The following PDZD2 variants were observed in gnomAD, a reference collection of about 807,000 sequenced individuals.
PDZD2 encodes PDZ domain containing 2, also known as PDZ domain-containing protein 2.
In PDZD2, 90 loss-of-function variants were observed where a neutral mutation model predicts 220.7. The observed-to-expected ratio is 0.41, with a 90% confidence interval of 0.34 to 0.49. The LOEUF is 0.49. Among genes scored for constraint, PDZD2 ranks in the 20% least tolerant of loss-of-function variants. The pLI is 0.28. For synonymous variants in PDZD2, 1,375 were observed against 1,450.5 expected (o/e 0.95, Z 1.18); for missense variants, 3,174 against 3,608.5 (o/e 0.88, Z 3.08).
intron 2 of PDZD2, among the ~76,000 whole-genome samples, chr5:31,946,454 G>T (rs1390049260): frequency 6.6e-6 from 1 of 152,106 alleles, no homozygotes; most frequent in Admixed American, 6.5e-5. Flanking sequence ...GTCTGGGTGG[G>T]GTCTAGAGTC....
chr5:31,890,778 G>C (rs1289973831), intron 2 of PDZD2, among the ~76,000 whole-genome samples: 1 of 152,190 alleles, frequency 6.6e-6, no homozygotes. Flanking sequence ...TCTGGAACCA[G>C]AGGAAACAGG....
At chr5:31,987,765 T>G (rs148363395) in intron 3 of PDZD2, among the ~76,000 whole-genome samples, 1 of 152,200 alleles carries the variant, frequency 6.6e-6, no homozygotes, top group Non-Finnish European at 1.5e-5. Context: ...ATGAGATTCA[T>G]TGGGGGTGAC....
chr5:31,916,745 G>C (rs1238762016), intron 2 of PDZD2, among the ~76,000 whole-genome samples: 1 of 152,202 alleles, frequency 6.6e-6, no homozygotes, highest in Non-Finnish European at 1.5e-5. Context: ...TTGCATAGCT[G>C]TTCCTGGGCA....
intron 2 of PDZD2, among the ~76,000 whole-genome samples, chr5:31,891,557 C>T (rs187134162): frequency 2.6e-5 from 4 of 152,056 alleles, no homozygotes; most frequent in East Asian, 1.9e-4. Flanking sequence ...TCAGGTGATC[C>T]GCCCGCCTCT....
rs183181614 is a variant in PDZD2 at position 31,963,057 on chromosome 5, T to C, written c.477-20098T>C. Among the ~76,000 whole-genome samples, 96 of 152,350 alleles carry C rather than the reference T, an allele frequency of 6.3e-4. 1 individual carries two copies. In the East Asian group the frequency reaches 0.013, roughly 21 times the overall value. ...AACACTTGGTAATGAAGTGAGTTCC[T>C]AGTACTCTAAAACATGTTTGTGGCT... On this transcript the variant is annotated intron_variant, in intron 2 of 24. Coordinates refer to ENST00000438447, the MANE Select transcript of PDZD2 (RefSeq NM_178140.4).
At chr5:31,703,943 C>T (rs1747706207) in intron 1 of PDZD2, among the ~76,000 whole-genome samples, 1 of 127,166 alleles carries the variant, frequency 7.9e-6, no homozygotes, top group Admixed American at 8.9e-5. Flanking sequence ...CTCTCTCTCT[C>T]TCTTTCTCTC....
chr5:31,858,079 G>A (rs1758616506), intron 2 of PDZD2, among the ~76,000 whole-genome samples: 2 of 152,102 alleles, frequency 1.3e-5, no homozygotes, highest in South Asian at 4.1e-4. Flanking sequence ...GCCCGTCTTG[G>A]CCTCCCACAG....
chr5:32,104,153 A>G (rs1744511696), intron 24 of PDZD2, among the ~76,000 whole-genome samples: 1 of 151,892 alleles, frequency 6.6e-6, no homozygotes, highest in Non-Finnish European at 1.5e-5. Context: ...CATGCTTGTA[A>G]TCCCGGCACT....
At chr5:32,061,237 CAA>C in intron 14 of PDZD2, 103 bp downstream of exon 14, 1 of 1,096,442 alleles carries the variant, frequency 9.1e-7, no homozygotes, top group South Asian at 1.4e-5. Context: ...GATAGGCAGG[CAA>C]CCTACGGGTG....
chr5:31,727,638 T>C (rs1446838672), intron 1 of PDZD2, among the ~76,000 whole-genome samples: 1 of 147,518 alleles, frequency 6.8e-6, no homozygotes, highest in Non-Finnish European at 1.5e-5. Context: ...AGGCAGAGGT[T>C]GCAGTGAGCC....
At chr5:31,763,870 T>TTTAAAAAA (rs1401600794) in intron 1 of PDZD2, among the ~76,000 whole-genome samples, 2 of 137,536 alleles carry the variant, frequency 1.5e-5, no homozygotes, top group Admixed American at 7.2e-5. Flanking sequence ...GCCCTCTGAT[T>TTTAAAAAA]AAAAAAAAAA....
chr5:31,994,303 C>T (rs138217337), intron 3 of PDZD2, among the ~76,000 whole-genome samples: 192 of 151,154 alleles, frequency 1.3e-3, no homozygotes, highest in Middle Eastern at 6.8e-3. Flanking sequence ...CCACCACGCC[C>T]AGCCTGTTTT....
At chr5:31,972,331 C>A (rs1749376337) in intron 2 of PDZD2, among the ~76,000 whole-genome samples, 1 of 152,156 alleles carries the variant, frequency 6.6e-6, no homozygotes, top group African/African-American at 2.4e-5. Context: ...CTAGGCTGAT[C>A]TTGAACTCCT....
chr5:32,003,351 CACA>C, intron 5 of PDZD2, among the ~76,000 whole-genome samples: 1 of 62,362 alleles, frequency 1.6e-5, no homozygotes. Flanking sequence ...ACACACACAC[CACA>C]CACCACACCA....
rs1479310567 is a variant in PDZD2, at chr5:31,996,010, T to TG, written c.1121+293dup. ...CAAGTGAATGTTACGTATCCTAACT[T>TG]GCTGAGATGATATGAGGCTACTTAT... On this transcript the variant is annotated intron_variant, in intron 4 of 24. Coordinates refer to ENST00000438447, the MANE Select transcript of PDZD2 (RefSeq NM_178140.4). Among the ~76,000 whole-genome samples the TG allele has an allele frequency of 3.3e-5, 5 of 152,274 alleles. No homozygotes were observed. In the South Asian group the frequency reaches 1.0e-3, roughly 32 times the overall value.
At chr5:31,742,671 A>G (rs1353578275) in intron 1 of PDZD2, among the ~76,000 whole-genome samples, 6 of 151,992 alleles carry the variant, frequency 3.9e-5, no homozygotes, top group Non-Finnish European at 8.8e-5. Context: ...ACTTTGGCCA[A>G]CCTAGTAAAC....
chr5:31,781,808 C>T (rs373582624), intron 1 of PDZD2, among the ~76,000 whole-genome samples: 1 of 152,186 alleles, frequency 6.6e-6, no homozygotes, highest in East Asian at 1.9e-4. Flanking sequence ...CTCATTTTGT[C>T]AGTGCCTATT....
chr5:31,903,511 G>C lies in PDZD2; in HGVS notation c.477-79644G>C, dbSNP rs1025519142. Among the ~76,000 whole-genome samples, 140 of 151,008 alleles carry C rather than the reference G, an allele frequency of 9.3e-4. 2 individuals are homozygous for C. Among genetic ancestry groups the C allele is most frequent in the African/African-American group, 3.2e-3 (134 of 41,270 alleles). On this transcript the variant is annotated intron_variant, in intron 2 of 24. Transcript: ENST00000438447. Reference sequence around the variant, plus strand: ...AAAATACAAAAAATTAGCTGGGCAGGGTGGCACATGCCTGTAGCCCCAGCT... The same window carrying C: ...AAAATACAAAAAATTAGCTGGGCAGCGTGGCACATGCCTGTAGCCCCAGCT...
intron 2 of PDZD2, among the ~76,000 whole-genome samples, chr5:31,920,462 A>G (rs966118436): frequency 9.3e-5 from 14 of 150,474 alleles, no homozygotes; most frequent in Admixed American, 4.0e-4. Flanking sequence ...TAATCACCCA[A>G]TGTCCACAGT....
Sources: allele counts gnomAD v4.1 joint callset (sites outside exome capture counted in the v4.1 genomes callset), GRCh38; gene constraint gnomAD v4.1.1; transcripts MANE v1.5; gene names NCBI Gene and HGNC (gene_info 2026-07-23, HGNC 2026-07-21).